MAP2: variants seen among roughly 807,000 people sequenced by gnomAD.
MAP2 encodes the protein microtubule-associated protein 2.
MAP2 carries 14 observed loss-of-function variants against 137.6 expected under a neutral mutation model. The ratio of observed to expected loss-of-function variants is 0.10; its 90% CI spans 0.07 to 0.16. The LOEUF is 0.16. Ranked by LOEUF, MAP2 falls within the 10% of genes least tolerant of loss-of-function variation. The pLI is 1.00. For synonymous variants in MAP2, 786 were observed against 782.3 expected, an observed-to-expected ratio of 1.00 and a Z score of -0.08; for missense variants, 2,088 against 2,191.5, an observed-to-expected ratio of 0.95 and a Z score of 0.94.
chr2:209,657,378 T>G (rs1400045200), intron 5 of MAP2, among the ~76,000 whole-genome samples: 1 of 152,228 alleles, frequency 6.6e-6, no homozygotes, highest in African/African-American at 2.4e-5. Flanking sequence ...ACTGTAGTAA[T>G]TTAACATTCC....
At position 209,512,611 on chromosome 2, in the gene MAP2, A is replaced by G. The variant is rs529653779; in HGVS notation, c.-172+4970A>G. Among the ~76,000 whole-genome samples, 6 of 151,378 alleles carry G rather than the reference A, an allele frequency of 4.0e-5. No homozygotes were observed. The South Asian group carries it at 1.0e-3, about 26-fold the overall frequency. The stretch of plus-strand genomic sequence containing the variant: ...CACACACACACACACAAACACATAT[A>G]TATATAAAATGTATGATATATATAA... On this transcript the variant is annotated intron_variant, in intron 2 of 15. Transcript: ENST00000682079.
chr2:209,538,046 C>T (rs1187146723), intron 2 of MAP2, among the ~76,000 whole-genome samples: 1 of 152,158 alleles, frequency 6.6e-6, no homozygotes, highest in Non-Finnish European at 1.5e-5. Flanking sequence ...CCCAGTCTAT[C>T]TCACTTGAGC....
At chr2:209,546,160 GA>G (rs1559303752) in intron 2 of MAP2, among the ~76,000 whole-genome samples, 2 of 151,478 alleles carry the variant, frequency 1.3e-5, no homozygotes, top group African/African-American at 4.8e-5. Flanking sequence ...AAAATAAAAA[GA>G]AAAAAGAAAA....
intron 5 of MAP2, among the ~76,000 whole-genome samples, chr2:209,667,544 T>G (rs555106321): frequency 6.6e-6 from 1 of 152,136 alleles, no homozygotes; most frequent in South Asian, 2.1e-4. Context: ...ACATTGTAAT[T>G]TCATTTTGAA....
chr2:209,439,768 T>C (rs1482109034), intron 1 of MAP2, among the ~76,000 whole-genome samples: 1 of 151,488 alleles, frequency 6.6e-6, no homozygotes, highest in African/African-American at 2.4e-5. Flanking sequence ...CTTTATAAAA[T>C]TGTATAAAGT....
intron 5 of MAP2, among the ~76,000 whole-genome samples, chr2:209,655,309 CAG>C (rs755501157): frequency 3.7e-4 from 56 of 152,164 alleles, no homozygotes; most frequent in Non-Finnish European, 5.9e-4. Flanking sequence ...TGTAAACAGT[CAG>C]CCATGGGCTA....
Position 209,692,929 on chromosome 2 carries a change from T to C in MAP2, c.759T>C (p.Pro253=), listed in dbSNP as rs2059325824. Residue 253 remains proline, a synonymous_variant, in exon 8 of 16, where the codon CCT becomes CCC. Transcript: ENST00000682079. ...TTGTAGTACCTGGCATTGACCTCCC[T>C]AAAGAGCCTCCAACTCCAAAAGAAC... ...PSLVVPGIDL[P]KEPPTPKEQK... is the part of the protein sequence containing the mutation. 1 of 1,613,938 alleles carries C rather than the reference T, an allele frequency of 6.2e-7. No homozygotes were observed. The highest frequency in any genetic ancestry group is 1.7e-5 in the Admixed American group (1 of 59,978).
At chr2:209,691,235 C>G (rs1307242228) in intron 7 of MAP2, among the ~76,000 whole-genome samples, 1 of 150,378 alleles carries the variant, frequency 6.6e-6, no homozygotes, top group Non-Finnish European at 1.5e-5. Flanking sequence ...GCTTTTATTT[C>G]AAATCGTACA....
At chr2:209,467,345 C>G (rs1195432589) in intron 1 of MAP2, among the ~76,000 whole-genome samples, 2 of 152,222 alleles carry the variant, frequency 1.3e-5, no homozygotes, top group Middle Eastern at 3.4e-3. Flanking sequence ...TGTCCTATCA[C>G]TCTCCTGATT....
rs1413524903 is a variant in MAP2 at position 209,516,576 on chromosome 2, G to T, written c.-172+8935G>T. ...GGAACTTACCGAAAATAAAGGTATA[G>T]GAATTTCTTCCTTTAAAATTTATTT... On this transcript the variant is annotated intron_variant, in intron 2 of 15. Coordinates refer to ENST00000682079, the MANE Select transcript of MAP2 (RefSeq NM_001375505.1). Among the ~76,000 whole-genome samples the T allele has an allele frequency of 2.6e-5, 4 of 152,110 alleles. No homozygotes were observed. In the East Asian group the frequency reaches 7.7e-4, roughly 29 times the overall value.
intron 4 of MAP2, among the ~76,000 whole-genome samples, chr2:209,634,601 C>T (rs941655080): frequency 6.6e-6 from 1 of 152,082 alleles, no homozygotes; most frequent in Non-Finnish European, 1.5e-5. Flanking sequence ...TTTGGACACA[C>T]CTAATCGCAA....
chr2:209,550,330 T>G (rs1043368913), intron 2 of MAP2, among the ~76,000 whole-genome samples: 1 of 152,166 alleles, frequency 6.6e-6, no homozygotes, highest in Non-Finnish European at 1.5e-5. Context: ...ATTATAGAAA[T>G]AAAGTATATG....
chr2:209,490,746 G>A (rs1349298319), intron 1 of MAP2, among the ~76,000 whole-genome samples: 2 of 151,136 alleles, frequency 1.3e-5, no homozygotes, highest in Admixed American at 1.3e-4. Context: ...AACAAGAAGA[G>A]CTAACTATCC....
chr2:209,661,562 C>T, intron 5 of MAP2: 1 of 985,430 alleles, frequency 1.0e-6, no homozygotes, highest in Non-Finnish European at 1.2e-6. Context: ...CCTGGTGGCA[C>T]CGATGGATGA....
chr2:209,691,653 T>G (rs77458526), intron 7 of MAP2, among the ~76,000 whole-genome samples: 1 of 152,198 alleles, frequency 6.6e-6, no homozygotes, highest in Non-Finnish European at 1.5e-5. Flanking sequence ...ATAAAGCCTT[T>G]TGGATTGTTG....
chr2:209,435,939 A>T (rs796520907), intron 1 of MAP2, among the ~76,000 whole-genome samples: 3 of 69,060 alleles, frequency 4.3e-5, no homozygotes, highest in Non-Finnish European at 1.1e-4. Flanking sequence ...TTATATATAT[A>T]ATATATACTA....
At chr2:209,646,120 C>T (rs1257038127) in intron 4 of MAP2, among the ~76,000 whole-genome samples, 1 of 152,014 alleles carries the variant, frequency 6.6e-6, no homozygotes, top group Non-Finnish European at 1.5e-5. Context: ...TCACTTGAGC[C>T]CGGGAGGTTG....
Position 209,552,076 on chromosome 2 carries a change from G to A in MAP2, c.-171-27960G>A, listed in dbSNP as rs545842234. 7.9e-5 allele frequency among the ~76,000 whole-genome samples: 12 copies of A among 152,304 alleles called. No homozygotes were observed. In the East Asian group the frequency reaches 2.3e-3, roughly 29 times the overall value. ...CTGTTTTGGAATCATGGGGCATGAA[G>A]TTTCTACCAAAGCAAAAAGGTTGCA... is the stretch of plus-strand genomic sequence containing the variant. On this transcript the variant is annotated intron_variant, in intron 2 of 15. Coordinates refer to ENST00000682079, the MANE Select transcript of MAP2 (RefSeq NM_001375505.1).
At chr2:209,444,780 T>G (rs1310402869) in intron 1 of MAP2, among the ~76,000 whole-genome samples, 1 of 151,540 alleles carries the variant, frequency 6.6e-6, no homozygotes, top group Non-Finnish European at 1.5e-5. Context: ...TTGAGGAAAT[T>G]TGAAAGACAC....
Sources: allele counts gnomAD v4.1 joint callset (sites outside exome capture counted in the v4.1 genomes callset), GRCh38; gene constraint gnomAD v4.1.1; transcripts MANE v1.5; gene names NCBI Gene and HGNC (gene_info 2026-07-23, HGNC 2026-07-21).